Variants in PRR7 observed in about 807,000 individuals in gnomAD.
PRR7 encodes proline rich 7, synaptic, also known as proline-rich protein 7.
In PRR7, 8 loss-of-function variants were observed where a neutral mutation model predicts 18.5. That is an observed-to-expected ratio of 0.43 (90% CI 0.25 to 0.78). PRR7 has a LOEUF of 0.78. Among genes scored for constraint, PRR7 ranks in the 30% least tolerant of loss-of-function variants. PRR7 has a pLI of 0.22. For synonymous variants in PRR7, 221 were observed against 187.7 expected (o/e 1.18, Z -1.45); for missense variants, 396 against 403.1 (o/e 0.98, Z 0.15).
Position 177,454,979 on chromosome 5 carries a change from C to T in PRR7, c.-89C>T, listed in dbSNP as rs897345471. ...GCGGGTCCCCGAGTGACGCTGGCGG[C>T]ACCTGAGAGTGTGGCGCGGGCCCGG... On this transcript the variant is annotated 5_prime_UTR_variant, in exon 3 of 4. Transcript: ENST00000323249. This position sits in a 1 kb window ranked among gnomAD's most constrained non-coding sequence, Gnocchi z 4.7. 2 of 1,351,038 alleles carry T rather than the reference C, an allele frequency of 1.5e-6. No individual in the cohort carries two copies. Among genetic ancestry groups the T allele is most frequent in the African/African-American group, 1.5e-5 (1 of 66,568 alleles). The allele number at this position is 1,351,038 out of a possible 1,614,324, so 83.7% of individuals were successfully genotyped here. A position where few individuals can be genotyped will look rare whatever the true frequency, so the allele number is the denominator to read the frequency against.
rs1199040834 is a variant in PRR7, at chr5:177,455,678, T to C, written c.428-46T>C. 1 of 1,502,008 alleles carries C rather than the reference T, an allele frequency of 6.7e-7. No homozygotes were observed. Among genetic ancestry groups the C allele is most frequent in the Non-Finnish European group, 8.9e-7 (1 of 1,121,354 alleles). The allele number at this position is 1,502,008 out of a possible 1,614,324, so 93.0% of individuals were successfully genotyped here. A position where few individuals can be genotyped will look rare whatever the true frequency, so the allele number is the denominator to read the frequency against. ...CCTGGCCGGGGCCTCTGCGAGAGGC[T>C]GGGAACCGGCGGCCTCACCTCCTCC... On this transcript the variant is annotated intron_variant, in intron 3 of 3. Transcript: ENST00000323249. The surrounding 1 kb of genome is among the most constrained non-coding windows in gnomAD (Gnocchi z 6.9).
chr5:177,448,115 G>A (rs1755987443), intron 1 of PRR7, among the ~76,000 whole-genome samples: 1 of 152,242 alleles, frequency 6.6e-6, no homozygotes, highest in Admixed American at 6.5e-5. Context: ...GCAGATGCCA[G>A]CCCCGACCGC....
Position 177,455,183 on chromosome 5 carries a change from A to G in PRR7, c.116A>G (p.Lys39Arg). ...CFCSFLRRRLKRRQEERLREQ... is the reference protein window; with the variant it reads ...CFCSFLRRRLRRRQEERLREQ... ...TGCAGCTTCCTGCGCCGCCGCCTCAAACGGCGCCAGGAGGAGCGACTGCGC... is the reference window on the plus strand; with the variant it reads ...TGCAGCTTCCTGCGCCGCCGCCTCAGACGGCGCCAGGAGGAGCGACTGCGC... The change falls in exon 3 of 4, where the codon AAA (lysine) becomes AGA (arginine). Residue 39 changes from lysine (K) to arginine (R), a missense_variant. Coordinates refer to ENST00000323249, the MANE Select transcript of PRR7 (RefSeq NM_030567.5). This position sits in a 1 kb window ranked among gnomAD's most constrained non-coding sequence, Gnocchi z 6.9. 2 of 1,572,662 alleles carry G rather than the reference A, an allele frequency of 1.3e-6. No homozygotes were observed. The highest frequency in any genetic ancestry group is 2.5e-5 in the East Asian group (1 of 40,130).
At position 177,454,306 on chromosome 5, in the gene PRR7, C is replaced by T. The variant is rs572745347; in HGVS notation, c.-240+266C>T. ...GGAGCCACCCGCCTGAGCCCCCCTA[C>T]GGGAGCGGCGGGAGACCCGGAGGGC... On this transcript the variant is annotated intron_variant, in intron 2 of 3. Transcript: ENST00000323249. This position sits in a 1 kb window ranked among gnomAD's most constrained non-coding sequence, Gnocchi z 4.7. Among the ~76,000 whole-genome samples, 2 of 152,336 alleles carry T rather than the reference C, an allele frequency of 1.3e-5. No homozygotes were observed. Among genetic ancestry groups the T allele is most frequent in the Admixed American group, 1.3e-4 (2 of 15,312 alleles).
chr5:177,448,061 G>A (rs2127386249), intron 1 of PRR7, among the ~76,000 whole-genome samples: 1 of 152,328 alleles, frequency 6.6e-6, no homozygotes. Context: ...CATCATGCTG[G>A]AGAGAGAAAT....
chr5:177,455,476 T>C lies in PRR7; in HGVS notation c.409T>C (p.Trp137Arg). The C allele has an allele frequency of 6.7e-7, 1 of 1,501,760 alleles. No individual in the cohort carries two copies. The highest frequency in any genetic ancestry group is 1.2e-5 in the South Asian group (1 of 80,246). 93.0% of individuals were successfully genotyped at this position (1,501,760 alleles called of 1,614,324 possible). A position where few individuals can be genotyped will look rare whatever the true frequency, so the allele number is the denominator to read the frequency against. ...GCACCTGTCGGTGCCGCCACGGCCC[T>C]GGAGCTACCCGCGCCAAGGTGAGTA... ...PTHLSVPPRP[W>R]SYPRQAESDM... The change falls in exon 3 of 4, where the codon TGG (tryptophan) becomes CGG (arginine). Residue 137 changes from tryptophan (W) to arginine (R), a missense_variant. By Grantham distance (101) the Trp-to-Arg change is moderately radical. Coordinates refer to ENST00000323249, the MANE Select transcript of PRR7 (RefSeq NM_030567.5). This position sits in a 1 kb window ranked among gnomAD's most constrained non-coding sequence, Gnocchi z 6.9.
Position 177,455,824 on chromosome 5 carries a change from C to T in PRR7, c.528C>T (p.Leu176=), listed in dbSNP as rs753175921. ...YSEVLTDTRG[L]YRKIVTPFLS... is the part of the protein sequence containing the mutation. ...AGGTGCTCACGGACACGCGCGGCCT[C>T]TACCGCAAGATCGTCACGCCCTTCC... Residue 176 remains leucine, a synonymous_variant, in exon 4 of 4, where the codon CTC becomes CTT. Coordinates refer to ENST00000323249, the MANE Select transcript of PRR7 (RefSeq NM_030567.5). This position sits in a 1 kb window ranked among gnomAD's most constrained non-coding sequence, Gnocchi z 6.9. 4.3e-6 allele frequency: 7 copies of T among 1,612,164 alleles called. No individual in the cohort carries two copies. The highest frequency in any genetic ancestry group is 2.5e-6 in the Non-Finnish European group (3 of 1,179,722).
chr5:177,447,717 C>G (rs943870302), intron 1 of PRR7: 1 of 152,240 alleles, frequency 6.6e-6, no homozygotes, highest in Admixed American at 6.5e-5. Flanking sequence ...GGCATGGGCC[C>G]GCGGTGAGTC....
intron 1 of PRR7, among the ~76,000 whole-genome samples, chr5:177,451,396 A>T (rs796280111): frequency 6.6e-4 from 62 of 94,080 alleles, no homozygotes; most frequent in South Asian, 1.5e-3. Context: ...GTGAGTGTGG[A>T]GCCCACCCTC....
In PRR7 at chr5:177,449,381, T is replaced by G. The variant is rs969575565; in HGVS notation, c.-325+2421T>G. ...GAGTTCTGTTGTCCCCTCGGCACCC[T>G]GGTCCTACTGCTGAAGAAACTCCAG... On this transcript the variant is annotated intron_variant, in intron 1 of 3. Transcript: ENST00000323249. The surrounding 1 kb of genome is among the most constrained non-coding windows in gnomAD (Gnocchi z 4.2). 2.0e-5 allele frequency among the ~76,000 whole-genome samples: 3 copies of G among 152,198 alleles called. No individual in the cohort carries two copies. Among genetic ancestry groups the G allele is most frequent in the African/African-American group, 7.2e-5 (3 of 41,452 alleles).
In PRR7 at chr5:177,454,173, A is replaced by G; in HGVS notation, c.-240+133A>G. On this transcript the variant is annotated intron_variant, in intron 2 of 3. Transcript: ENST00000323249. The surrounding 1 kb of genome is among the most constrained non-coding windows in gnomAD (Gnocchi z 4.7). ...GCAAGGGCAGGAGGCGGGGAAGCGG[A>G]GTTGGAGCAGGCAGGGCGCCTGGAG... 6.5e-6 allele frequency: 1 copy of G among 152,874 alleles called. No individual in the cohort carries two copies. The highest frequency in any genetic ancestry group is 1.5e-5 in the Non-Finnish European group (1 of 68,444). The allele number at this position is 152,874 out of a possible 1,614,324, so 9.5% of individuals were successfully genotyped here. A position where few individuals can be genotyped will look rare whatever the true frequency, so the allele number is the denominator to read the frequency against.
In PRR7 at chr5:177,455,533, C is replaced by A; in HGVS notation, c.427+39C>A. The A allele has an allele frequency of 1.4e-6, 2 of 1,443,342 alleles. No individual in the cohort carries two copies. The highest frequency in any genetic ancestry group is 1.4e-5 in the South Asian group (1 of 70,126). The allele number at this position is 1,443,342 out of a possible 1,614,324, so 89.4% of individuals were successfully genotyped here. On this transcript the variant is annotated intron_variant, in intron 3 of 3. Transcript: ENST00000323249. The surrounding 1 kb of genome is among the most constrained non-coding windows in gnomAD (Gnocchi z 6.9). ...TCCGCCAGGGGGCGATCCGGGCCGC[C>A]GGAAGTGGGCGGGCGTTGGAGGGCT...
chr5:177,451,182 G>A (rs1326606897), intron 1 of PRR7, among the ~76,000 whole-genome samples: 2 of 152,248 alleles, frequency 1.3e-5, no homozygotes, highest in East Asian at 1.9e-4. Flanking sequence ...GCTTTGGCCT[G>A]TAAGGCTGAA....
intron 1 of PRR7, among the ~76,000 whole-genome samples, chr5:177,448,032 C>G (rs1338815423): frequency 6.6e-6 from 1 of 152,248 alleles, no homozygotes; most frequent in Non-Finnish European, 1.5e-5. Flanking sequence ...GGCTCCCCTC[C>G]CAACCTCCCC....
At position 177,456,139 on chromosome 5, in the gene PRR7, CG is replaced by C; in HGVS notation, c.*21del. 7.1e-7 allele frequency: 1 copy of C among 1,417,908 alleles called. No homozygotes were observed. Among genetic ancestry groups the C allele is most frequent in the Admixed American group, 3.0e-5 (1 of 32,998 alleles). 87.8% of individuals were successfully genotyped at this position (1,417,908 alleles called of 1,614,324 possible). ...CCGTATAGAGGGGCGCCCGGCGCCC[CG>C]GGCCCCACCGGCGGACTCCTGGCCT... On this transcript the variant is annotated 3_prime_UTR_variant, in exon 4 of 4. Transcript: ENST00000323249.
Position 177,455,413 on chromosome 5 carries a change from C to T in PRR7, c.346C>T (p.His116Tyr). ...PAQPHAHAHP[H>Y]PHHHALPHPP... ...GCAGCCGCACGCGCACGCGCACCCA[C>T]ACCCGCACCACCACGCGCTCCCGCA... Residue 116 changes from histidine (H) to tyrosine (Y), a missense_variant, in exon 3 of 4, where the codon CAC becomes TAC. Around this residue, in one of 2 missense-constraint regions of PRR7, gnomAD observed 383 missense variants for 372.6 expected, o/e 1.03. Coordinates refer to ENST00000323249, the MANE Select transcript of PRR7 (RefSeq NM_030567.5). The surrounding 1 kb of genome is among the most constrained non-coding windows in gnomAD (Gnocchi z 6.9). 1.3e-6 allele frequency: 2 copies of T among 1,504,094 alleles called. No homozygotes were observed. The highest frequency in any genetic ancestry group is 1.8e-6 in the Non-Finnish European group (2 of 1,133,604). 93.2% of individuals were successfully genotyped at this position (1,504,094 alleles called of 1,614,324 possible). A position where few individuals can be genotyped will look rare whatever the true frequency, so the allele number is the denominator to read the frequency against.
rs895181993 is a variant in PRR7, at chr5:177,455,375, A to G, written c.308A>G (p.His103Arg). ...HPHVHVHPLLHHGPAQPHAHA... is the reference protein window; with the variant it reads ...HPHVHVHPLLRHGPAQPHAHA... ...CACGTGCACGTGCACCCGCTGCTGC[A>G]CCACGGGCCCGCGCAGCCGCACGCG... The change falls in exon 3 of 4, where the codon CAC (histidine) becomes CGC (arginine). Residue 103 changes from histidine (H) to arginine (R), a missense_variant. Around this residue, in one of 2 missense-constraint regions of PRR7, gnomAD observed 383 missense variants for 372.6 expected, o/e 1.03. Coordinates refer to ENST00000323249, the MANE Select transcript of PRR7 (RefSeq NM_030567.5). This position sits in a 1 kb window ranked among gnomAD's most constrained non-coding sequence, Gnocchi z 6.9. 2.7e-6 allele frequency: 4 copies of G among 1,495,130 alleles called. No individual in the cohort carries two copies. Among genetic ancestry groups the G allele is most frequent in the Non-Finnish European group, 3.5e-6 (4 of 1,128,940 alleles). The allele number at this position is 1,495,130 out of a possible 1,614,324, so 92.6% of individuals were successfully genotyped here.
chr5:177,448,698 G>C (rs945776587), intron 1 of PRR7, among the ~76,000 whole-genome samples: 2 of 152,180 alleles, frequency 1.3e-5, no homozygotes, highest in African/African-American at 4.8e-5. Flanking sequence ...TGCTCCCCCA[G>C]ATGCATTATA....
rs1167901402 is a variant in PRR7, at chr5:177,450,851, A to G, written c.-324-3105A>G. 6.6e-6 allele frequency among the ~76,000 whole-genome samples: 1 copy of G among 152,242 alleles called. No individual in the cohort carries two copies. The highest frequency in any genetic ancestry group is 1.9e-4 in the East Asian group (1 of 5,204). The stretch of plus-strand genomic sequence containing the variant: ...AGACCTACTGAATCCAGTACTGGGA[A>G]TGGAGCCCAGCACTGTTTTAACAGC... On this transcript the variant is annotated intron_variant, in intron 1 of 3. Transcript: ENST00000323249. The surrounding 1 kb of genome is among the most constrained non-coding windows in gnomAD (Gnocchi z 6.6).
Sources: gnomAD v4.1 joint callset for allele counts (sites outside exome capture counted in the v4.1 genomes callset) on GRCh38, gnomAD v4.1.1 for gene constraint, gnomAD v4.1.1 regional missense constraint, Gnocchi (gnomAD v3.1) non-coding constraint, MANE v1.5 for transcripts, NCBI Gene and HGNC (gene_info 2026-07-23, HGNC 2026-07-21) for gene names.